PCDHA1: variants seen among roughly 807,000 people sequenced by gnomAD.
PCDHA1 encodes protocadherin alpha-1.
A neutral mutation model predicts 61.3 loss-of-function variants in PCDHA1; 42 were observed. The ratio of observed to expected loss-of-function variants is 0.69; its 90% CI spans 0.54 to 0.89. PCDHA1 has a LOEUF of 0.89. Ranked by LOEUF, PCDHA1 falls within the 40% of genes least tolerant of loss-of-function variation. The pLI is 0.00. For synonymous variants in PCDHA1, 610 were observed against 553.8 expected, an observed-to-expected ratio of 1.10 and a Z score of -1.43; for missense variants, 1,256 against 1,235.3, an observed-to-expected ratio of 1.02 and a Z score of -0.25.
At chr5:140,805,078 CAAA>C in intron 1 of PCDHA1, 1 of 1,593,568 alleles carries the variant, frequency 6.3e-7, no homozygotes, top group African/African-American at 1.3e-5. Context: ...CTTCAATCTT[CAAA>C]TCCAGCTTGC....
intron 1 of PCDHA1, among the ~76,000 whole-genome samples, chr5:140,950,960 A>G (rs2094536305): frequency 6.6e-6 from 1 of 151,564 alleles, no homozygotes. Flanking sequence ...CTATTGATCT[A>G]TTTTCAGATT....
In PCDHA1 at chr5:140,927,251, A is replaced by G. The variant is rs782356440; in HGVS notation, c.2395-51698A>G. The G allele has an allele frequency of 7.4e-6, 12 of 1,613,434 alleles. No homozygotes were observed. The Admixed American group carries it at 1.2e-4, about 16-fold the overall frequency. On this transcript the variant is annotated intron_variant, in intron 1 of 3. Transcript: ENST00000504120. The stretch of plus-strand genomic sequence containing the variant: ...ATTCACGTCCTGGACACCAATGACA[A>G]CTCACCTCTCTTTCCTGCCGGCGAC...
intron 1 of PCDHA1, chr5:140,847,315 A>C (rs2150398811): frequency 1.3e-5 from 2 of 149,940 alleles, no homozygotes; most frequent in Non-Finnish European, 3.0e-5. Context: ...AATCAAGGAC[A>C]GAAGCAATTG....
intron 3 of PCDHA1, among the ~76,000 whole-genome samples, chr5:140,994,309 C>T (rs924119174): frequency 1.3e-5 from 2 of 152,072 alleles, no homozygotes; most frequent in African/African-American, 4.8e-5. Context: ...TTCACAGGGC[C>T]CAAACACTCT....
intron 1 of PCDHA1, chr5:140,795,257 G>A (rs1761937020): frequency 6.2e-7 from 1 of 1,614,164 alleles, no homozygotes; most frequent in Non-Finnish European, 8.5e-7. Context: ...CTGTGCGGGC[G>A]GAGCGCGGAA....
In PCDHA1 at chr5:141,006,360, C is replaced by T. The variant is rs898915080; in HGVS notation, c.2543-3267C>T. ...CTGAGTAGCTGGGACTATAGGCGCC[C>T]ACCACCACGCCCGGCTAAGTTTTTT... On this transcript the variant is annotated intron_variant, in intron 3 of 3. Coordinates refer to ENST00000504120, the MANE Select transcript of PCDHA1 (RefSeq NM_018900.4). Among the ~76,000 whole-genome samples, 9 of 151,982 alleles carry T rather than the reference C, an allele frequency of 5.9e-5. 1 individual carries two copies. The highest frequency in any genetic ancestry group is 1.2e-4 in the Non-Finnish European group (8 of 67,998).
intron 1 of PCDHA1, chr5:140,883,965 T>A (rs781999874): frequency 1.9e-6 from 3 of 1,613,128 alleles, no homozygotes; most frequent in Non-Finnish European, 2.5e-6. Context: ...CCGGCGCTGC[T>A]GACGCCCGGG....
At chr5:140,930,420 A>T (rs996872425) in intron 1 of PCDHA1, 2 of 151,962 alleles carry the variant, frequency 1.3e-5, no homozygotes, top group Non-Finnish European at 2.9e-5. Context: ...CAGGGGTCTC[A>T]CTATGTTGCC....
At chr5:140,828,561 C>A (rs2150156811) in intron 1 of PCDHA1, 1 of 1,614,178 alleles carries the variant, frequency 6.2e-7, no homozygotes, top group African/African-American at 1.3e-5. Flanking sequence ...CTGGAGGGCG[C>A]GTCCGATGCA....
At chr5:140,841,597 C>G (rs2150318902) in intron 1 of PCDHA1, 20 of 1,614,072 alleles carry the variant, frequency 1.2e-5, no homozygotes, top group East Asian at 2.2e-5. Context: ...GGATCGACCG[C>G]GAGGAGCTGT....
intron 1 of PCDHA1, chr5:140,808,061 A>G: frequency 6.2e-7 from 1 of 1,613,852 alleles, no homozygotes; most frequent in South Asian, 1.1e-5. Flanking sequence ...TGTGAAATCC[A>G]AGTTTCACAT....
chr5:140,786,796 CG>C lies in PCDHA1; in HGVS notation c.507del (p.Tyr170ThrfsTer13), dbSNP rs782483594. On this transcript the variant is annotated frameshift_variant, in exon 1 of 4. Transcript: ENST00000504120. LOFTEE classifies it high-confidence loss of function. Reference protein sequence around the residue: ...DADIGANALLTYTLSPSDYFS... With the variant: ...DADIGANALLXYTLSPSDYFS... The stretch of plus-strand genomic sequence containing the variant: ...GACATTGGTGCTAACGCTCTTCTAA[CG>C]TACACGCTCAGCCCGAGTGATTATT... 6.2e-7 allele frequency: 1 copy of C among 1,614,212 alleles called. No individual in the cohort carries two copies. Among genetic ancestry groups the C allele is most frequent in the East Asian group, 2.2e-5 (1 of 44,894 alleles).
chr5:140,924,910 AT>A (rs1554202346), intron 1 of PCDHA1, among the ~76,000 whole-genome samples: 33 of 63,422 alleles, frequency 5.2e-4, no homozygotes, highest in African/African-American at 1.8e-3. Context: ...AAAAAATAAA[AT>A]AAAATAAAAT....
At chr5:140,809,024 C>G in intron 1 of PCDHA1, 1 of 1,613,696 alleles carries the variant, frequency 6.2e-7, no homozygotes, top group African/African-American at 1.3e-5. Flanking sequence ...CGAGCTGCAG[C>G]CGGGGACTGG....
At position 140,884,619 on chromosome 5, in the gene PCDHA1, A is replaced by C; in HGVS notation, c.2395-94330A>C. ...CTTCCTCCTTGTCTGGGTTCTGCAGAGGGAACAGGCCAGAGGGAGGAGGAC... is the reference window on the plus strand; with the variant it reads ...CTTCCTCCTTGTCTGGGTTCTGCAGCGGGAACAGGCCAGAGGGAGGAGGAC... On this transcript the variant is annotated intron_variant, in intron 1 of 3. Coordinates refer to ENST00000504120, the MANE Select transcript of PCDHA1 (RefSeq NM_018900.4). 3.7e-6 allele frequency: 6 copies of C among 1,614,074 alleles called. No homozygotes were observed. The highest frequency in any genetic ancestry group is 5.1e-6 in the Non-Finnish European group (6 of 1,179,956).
chr5:140,811,342 C>T (rs1455461723), intron 1 of PCDHA1: 1 of 152,156 alleles, frequency 6.6e-6, no homozygotes, highest in Admixed American at 6.5e-5. Flanking sequence ...ATGAACTCAC[C>T]CTTTTTTACG....
chr5:140,828,486 T>C, intron 1 of PCDHA1: 1 of 1,614,194 alleles, frequency 6.2e-7, no homozygotes, highest in Non-Finnish European at 8.5e-7. Flanking sequence ...AACCCGCCCT[T>C]GTTCCCGGTA....
intron 1 of PCDHA1, among the ~76,000 whole-genome samples, chr5:140,901,744 A>G (rs781984509): frequency 1.3e-5 from 2 of 152,144 alleles, no homozygotes; most frequent in Non-Finnish European, 2.9e-5. Context: ...AAGAATGTCC[A>G]TGGTATTTTG....
rs2126667255 is a variant in PCDHA1 at position 140,815,841 on chromosome 5, T to G, written c.2394+27157T>G. The G allele has an allele frequency of 8.5e-5, 13 of 152,338 alleles. No individual in the cohort carries two copies. The South Asian group carries it at 2.7e-3, about 32-fold the overall frequency. 9.4% of individuals were successfully genotyped at this position (152,338 alleles called of 1,614,324 possible). Reference sequence around the variant, plus strand: ...CTTTTTCATTTTTGAAGACAAACTTTGGTGGATTTGGTATTCTTGGCTGGC... The same window carrying G: ...CTTTTTCATTTTTGAAGACAAACTTGGGTGGATTTGGTATTCTTGGCTGGC... On this transcript the variant is annotated intron_variant, in intron 1 of 3. Coordinates refer to ENST00000504120, the MANE Select transcript of PCDHA1 (RefSeq NM_018900.4).
Sources: gnomAD v4.1 joint callset for allele counts (sites outside exome capture counted in the v4.1 genomes callset) on GRCh38, gnomAD v4.1.1 for gene constraint, MANE v1.5 for transcripts, NCBI Gene and HGNC (gene_info 2026-07-23, HGNC 2026-07-21) for gene names.